Variants in CLASP2 observed in about 807,000 individuals in gnomAD.
CLASP2 encodes the protein CLIP-associating protein 2.
A neutral mutation model predicts 194.4 loss-of-function variants in CLASP2; 47 were observed. The observed-to-expected ratio is 0.24, with a 90% CI of 0.19 to 0.31. The LOEUF (loss-of-function observed/expected upper bound fraction) is 0.31. CLASP2 is among the 10% of genes least tolerant of loss of function. The probability of loss-of-function intolerance (pLI) is 1.00; values close to 1 mark genes in which losing one functional copy is unlikely to be tolerated. For missense variants in CLASP2, 1,445 were observed against 1,823.6 expected, an observed-to-expected ratio of 0.79 and a Z score of 3.78; for synonymous variants, 619 against 633.5, an observed-to-expected ratio of 0.98 and a Z score of 0.34.
intron 34 of CLASP2, among the ~76,000 whole-genome samples, chr3:33,528,813 A>G (rs936340286): frequency 6.6e-6 from 1 of 152,062 alleles, no homozygotes; most frequent in African/African-American, 2.4e-5. Flanking sequence ...AAAGGAAGAA[A>G]GAAAGAGAGA....
At chr3:33,576,643 T>G (rs1460701858) in intron 23 of CLASP2, among the ~76,000 whole-genome samples, 1 of 152,062 alleles carries the variant, frequency 6.6e-6, no homozygotes, top group Admixed American at 6.5e-5. Flanking sequence ...CAAAGATCAA[T>G]CCTCAACCAA....
At chr3:33,626,737 A>G (rs1458547244) in intron 10 of CLASP2, among the ~76,000 whole-genome samples, 4 of 150,304 alleles carry the variant, frequency 2.7e-5, no homozygotes, top group Non-Finnish European at 1.5e-5. Context: ...CTAACCAGTC[A>G]AAAACAGCAC....
intron 1 of CLASP2, among the ~76,000 whole-genome samples, chr3:33,708,528 A>ATATATG (rs1448819209): frequency 4.2e-5 from 3 of 71,610 alleles, no homozygotes; most frequent in African/African-American, 1.9e-4. Context: ...ATATATGTAT[A>ATATATG]TATATATGTA....
intron 29 of CLASP2, chr3:33,558,218 T>C (rs1049630207): frequency 2.0e-5 from 3 of 152,214 alleles, no homozygotes; most frequent in African/African-American, 7.2e-5. Context: ...GAACAGGCTT[T>C]CTTCTTGTGT....
chr3:33,690,620 C>T (rs537458443), intron 2 of CLASP2, among the ~76,000 whole-genome samples: 1 of 152,240 alleles, frequency 6.6e-6, no homozygotes, highest in Non-Finnish European at 1.5e-5. Context: ...TCTGTGGTTT[C>T]AGTTACCCAT....
chr3:33,684,077 C>CTACTAAAAA (rs2090260939), intron 6 of CLASP2, among the ~76,000 whole-genome samples: 1 of 151,554 alleles, frequency 6.6e-6, no homozygotes, highest in South Asian at 2.1e-4. Context: ...AACCCCGTCT[C>CTACTAAAAA]TACTAAAAAT....
intron 22 of CLASP2, among the ~76,000 whole-genome samples, chr3:33,582,219 C>G (rs909455812): frequency 2.6e-5 from 4 of 152,134 alleles, no homozygotes; most frequent in African/African-American, 4.8e-5. Context: ...CAATTTTTCT[C>G]TTTGTTCACT....
At position 33,517,273 on chromosome 3, in the gene CLASP2, C is replaced by G; in HGVS notation, c.3788-99G>C. On this transcript the variant is annotated intron_variant, in intron 34 of 38. Coordinates refer to ENST00000682230, the MANE Select transcript of CLASP2 (RefSeq NM_001365631.1). Reference sequence around the variant, plus strand: ...TATGATGAAACACAGATATAACCATCATGTTTGCTGTAAAAAAGACAAAGA... The same window carrying G: ...TATGATGAAACACAGATATAACCATGATGTTTGCTGTAAAAAAGACAAAGA... 3.4e-6 allele frequency: 3 copies of G among 892,622 alleles called. No individual in the cohort carries two copies. The South Asian group carries it at 7.2e-5, about 21-fold the overall frequency. The allele number at this position is 892,622 out of a possible 1,614,324, so 55.3% of individuals were successfully genotyped here.
chr3:33,595,770 G>C (rs2070148505), intron 19 of CLASP2, among the ~76,000 whole-genome samples: 1 of 151,904 alleles, frequency 6.6e-6, no homozygotes, highest in Non-Finnish European at 1.5e-5. Context: ...TCAATATTAG[G>C]ATGTCTAAGG....
chr3:33,587,876 A>G (rs1394367918), intron 21 of CLASP2, among the ~76,000 whole-genome samples: 2 of 152,218 alleles, frequency 1.3e-5, no homozygotes, highest in Admixed American at 6.5e-5. Context: ...TAAAAAGTAT[A>G]AATAATGAAC....
chr3:33,557,067 C>T (rs1018327032), intron 29 of CLASP2, among the ~76,000 whole-genome samples: 13 of 150,536 alleles, frequency 8.6e-5, no homozygotes, highest in East Asian at 2.0e-4. Flanking sequence ...TCCGCCTCTC[C>T]GGTTCAAGTG....
At position 33,499,771 on chromosome 3, in the gene CLASP2, T is replaced by C. The variant is rs1437215440; in HGVS notation, c.4435-1054A>G. ...CTAGGTGTTACACGATATGCTGTTTTACATTATATCTTTATCTTTATATTT... is the reference window on the plus strand; with the variant it reads ...CTAGGTGTTACACGATATGCTGTTTCACATTATATCTTTATCTTTATATTT... On this transcript the variant is annotated intron_variant, in intron 38 of 38. Transcript: ENST00000682230. Among the ~76,000 whole-genome samples, 5 of 152,346 alleles carry C rather than the reference T, an allele frequency of 3.3e-5. No homozygotes were observed. The South Asian group carries it at 6.2e-4, about 19-fold the overall frequency.
chr3:33,528,661 T>C (rs971252793), intron 34 of CLASP2, among the ~76,000 whole-genome samples: 4 of 151,672 alleles, frequency 2.6e-5, no homozygotes, highest in Middle Eastern at 3.2e-3. Context: ...ACTTGGGAGG[T>C]TGAGGCAGGA....
intron 1 of CLASP2, among the ~76,000 whole-genome samples, chr3:33,700,527 CAT>C (rs1332043835): frequency 3.3e-5 from 5 of 151,902 alleles, no homozygotes; most frequent in Non-Finnish European, 7.4e-5. Flanking sequence ...TTAGTAAAGT[CAT>C]GAGATAAAAG....
At chr3:33,566,584 G>A (rs764782957) in intron 27 of CLASP2, 148 bp downstream of exon 27, 6 of 272,026 alleles carry the variant, frequency 2.2e-5, no homozygotes, top group Non-Finnish European at 3.7e-5. Flanking sequence ...CAAACAGAAT[G>A]ATAGTTTGCA....
intron 2 of CLASP2, among the ~76,000 whole-genome samples, chr3:33,695,193 T>G (rs2091749383): frequency 6.7e-6 from 1 of 148,414 alleles, no homozygotes; most frequent in South Asian, 2.1e-4. Context: ...TAGCTAGGAC[T>G]ACAGGCACAC....
chr3:33,654,443 T>C (rs1317531978), intron 7 of CLASP2, among the ~76,000 whole-genome samples: 1 of 151,806 alleles, frequency 6.6e-6, no homozygotes, highest in Admixed American at 6.6e-5. Flanking sequence ...GAATATAGAA[T>C]AAGAGAAAGA....
rs1329245943 is a variant in CLASP2 at position 33,633,988 on chromosome 3, T to C, written c.863-1617A>G. 2.0e-5 allele frequency among the ~76,000 whole-genome samples: 3 copies of C among 152,126 alleles called. No homozygotes were observed. In the East Asian group the frequency reaches 5.8e-4, roughly 29 times the overall value. On this transcript the variant is annotated intron_variant, in intron 8 of 38. Coordinates refer to ENST00000682230, the MANE Select transcript of CLASP2 (RefSeq NM_001365631.1). ...CAGATTAATGAAACAAGAATCTTTA[T>C]AAATTCAGGATGTGCAACATAACCC... is the stretch of plus-strand genomic sequence containing the variant.
chr3:33,660,063 C>G (rs759927179), intron 7 of CLASP2, among the ~76,000 whole-genome samples: 1 of 152,158 alleles, frequency 6.6e-6, no homozygotes, highest in Non-Finnish European at 1.5e-5. Context: ...ATGGCCAAGA[C>G]TGCATTAGGT....
Sources: gnomAD v4.1 joint callset for allele counts (sites outside exome capture counted in the v4.1 genomes callset) on GRCh38, gnomAD v4.1.1 for gene constraint, MANE v1.5 for transcripts, NCBI Gene and HGNC (gene_info 2026-07-23, HGNC 2026-07-21) for gene names.